Variants in UBL3 observed in about 807,000 individuals in gnomAD.
The protein encoded by UBL3 is ubiquitin-like protein 3.
In UBL3, 6 loss-of-function variants were observed where a neutral mutation model predicts 18.4. That is an observed-to-expected ratio of 0.33 (90% CI 0.18 to 0.64). The LOEUF is 0.64. UBL3 is among the 30% of genes least tolerant of loss of function. The pLI, the probability that UBL3 is intolerant of heterozygous loss-of-function variation, is 0.76. For synonymous variants in UBL3, 49 were observed against 46.6 expected (o/e 1.05, Z -0.21); for missense variants, 109 against 142.9 (o/e 0.76, Z 1.21).
At chr13:29,846,451 T>G (rs572057655) in intron 1 of UBL3, among the ~76,000 whole-genome samples, 2 of 152,192 alleles carry the variant, frequency 1.3e-5, no homozygotes, top group East Asian at 3.9e-4. Flanking sequence ...TCCAAAAAAT[T>G]GACATTTGGA....
chr13:29,826,275 C>T (rs1173839813), intron 1 of UBL3, among the ~76,000 whole-genome samples: 1 of 152,164 alleles, frequency 6.6e-6, no homozygotes, highest in African/African-American at 2.4e-5. Flanking sequence ...AGGAATGGTA[C>T]CAGCTCCTCC....
At chr13:29,823,773 A>G (rs1405798561) in intron 1 of UBL3, among the ~76,000 whole-genome samples, 2 of 152,090 alleles carry the variant, frequency 1.3e-5, no homozygotes, top group African/African-American at 4.8e-5. Context: ...CAGGTTACAC[A>G]TGTATACATG....
At chr13:29,819,772 G>C (rs1393305107) in intron 1 of UBL3, among the ~76,000 whole-genome samples, 1 of 151,638 alleles carries the variant, frequency 6.6e-6, no homozygotes, top group African/African-American at 2.4e-5. Flanking sequence ...AGAATCCAAG[G>C]ACCACACCAC....
At chr13:29,784,966 CG>C (rs1015521855) in intron 1 of UBL3, among the ~76,000 whole-genome samples, 3 of 152,286 alleles carry the variant, frequency 2.0e-5, no homozygotes, top group African/African-American at 7.2e-5. Context: ...AGTGCAGTGG[CG>C]GGATCTCGGC....
intron 1 of UBL3, among the ~76,000 whole-genome samples, chr13:29,833,997 C>T (rs754955149): frequency 1.3e-5 from 2 of 152,018 alleles, no homozygotes; most frequent in Non-Finnish European, 2.9e-5. Context: ...ACCAGCCTGG[C>T]CAACATGGTG....
intron 1 of UBL3, among the ~76,000 whole-genome samples, chr13:29,829,118 G>A (rs1878702545): frequency 6.6e-6 from 1 of 152,116 alleles, no homozygotes; most frequent in Non-Finnish European, 1.5e-5. Context: ...GTGCCTCCCA[G>A]TAGGCTACTA....
chr13:29,798,638 G>A (rs1046590037), intron 1 of UBL3, among the ~76,000 whole-genome samples: 2 of 152,136 alleles, frequency 1.3e-5, no homozygotes, highest in Admixed American at 1.3e-4. Context: ...AGTATGAATA[G>A]AGTAGTCTGA....
chr13:29,831,344 C>CTT, intron 1 of UBL3, among the ~76,000 whole-genome samples: 1 of 152,200 alleles, frequency 6.6e-6, no homozygotes, highest in East Asian at 1.9e-4. Flanking sequence ...AATCCCAGCA[C>CTT]TTTGGGAGGC....
At chr13:29,817,515 G>A (rs979932099) in intron 1 of UBL3, among the ~76,000 whole-genome samples, 5 of 152,160 alleles carry the variant, frequency 3.3e-5, no homozygotes, top group African/African-American at 1.2e-4. Context: ...TGGGTCAGGG[G>A]AGGAACAGGA....
chr13:29,791,420 AGATG>A (rs1877475416), intron 1 of UBL3, among the ~76,000 whole-genome samples: 1 of 152,224 alleles, frequency 6.6e-6, no homozygotes, highest in Admixed American at 6.5e-5. Context: ...TCCGTTTTAT[AGATG>A]GTAAACTGGG....
intron 1 of UBL3, among the ~76,000 whole-genome samples, chr13:29,836,978 G>A (rs1203944866): frequency 6.6e-6 from 1 of 152,198 alleles, no homozygotes; most frequent in African/African-American, 2.4e-5. Flanking sequence ...TGAGACCTTA[G>A]CTAAGGGCTA....
At chr13:29,849,462 A>C (rs1004790063) in intron 1 of UBL3, 50 bp downstream of exon 1, 2 of 1,613,372 alleles carry the variant, frequency 1.2e-6, no homozygotes, top group Non-Finnish European at 1.7e-6. Flanking sequence ...CCGATTAAAT[A>C]AGATTGGAAA....
At position 29,849,510 on chromosome 13, in the gene UBL3, AC is replaced by A. The variant is rs1176299044; in HGVS notation, c.27+1del. 6.2e-7 allele frequency: 1 copy of A among 1,614,160 alleles called. No homozygotes were observed. The highest frequency in any genetic ancestry group is 8.5e-7 in the Non-Finnish European group (1 of 1,180,052). ...CAGTGTCATAACTTATCCGTCACTT[AC>A]CATATCCGCCGGGACATTACTGGAC... On this transcript the variant is annotated splice_donor_variant, in intron 1 of 4. Coordinates refer to ENST00000380680, the MANE Select transcript of UBL3 (RefSeq NM_007106.4). LOFTEE classifies it high-confidence loss of function.
In UBL3 at chr13:29,819,870, T is replaced by C. The variant is rs117568447; in HGVS notation, c.27+29642A>G. Among the ~76,000 whole-genome samples the C allele has an allele frequency of 7.9e-4, 120 of 151,928 alleles. No individual in the cohort carries two copies. The East Asian group carries it at 0.022, about 28-fold the overall frequency. On this transcript the variant is annotated intron_variant, in intron 1 of 4. Transcript: ENST00000380680. Reference sequence around the variant, plus strand: ...CTGAGACCTCTATCACAGGAGATAATTCAAGGACAATAATCCTTTTTCCCC... The same window carrying C: ...CTGAGACCTCTATCACAGGAGATAACTCAAGGACAATAATCCTTTTTCCCC...
At chr13:29,795,643 G>A (rs1273502593) in intron 1 of UBL3, among the ~76,000 whole-genome samples, 1 of 151,486 alleles carries the variant, frequency 6.6e-6, no homozygotes, top group Non-Finnish European at 1.5e-5. Context: ...ACCCTAAGGA[G>A]AGGTGGCAGC....
intron 1 of UBL3, among the ~76,000 whole-genome samples, chr13:29,793,458 T>G (rs139591536): frequency 0.01 from 1,561 of 152,304 alleles, 28 homozygotes; most frequent in African/African-American, 0.036. Flanking sequence ...AAAGACAAGA[T>G]AGAATTCCAA....
chr13:29,807,966 T>C (rs1254948231), intron 1 of UBL3, among the ~76,000 whole-genome samples: 1 of 152,188 alleles, frequency 6.6e-6, no homozygotes, highest in Non-Finnish European at 1.5e-5. Context: ...GTCTATTTTA[T>C]AAATTCTTTG....
At chr13:29,781,604 G>T (rs1877175903) in intron 1 of UBL3, among the ~76,000 whole-genome samples, 1 of 151,928 alleles carries the variant, frequency 6.6e-6, no homozygotes, top group Admixed American at 6.6e-5. Context: ...CTGATAATAG[G>T]GGAGGCCGTG....
intron 2 of UBL3, among the ~76,000 whole-genome samples, chr13:29,774,599 T>C (rs1876932090): frequency 6.6e-6 from 1 of 152,184 alleles, no homozygotes; most frequent in Non-Finnish European, 1.5e-5. Context: ...ATAGCTTCAG[T>C]ATCTCCCTGA....
Sources: gnomAD v4.1 joint callset for allele counts (sites outside exome capture counted in the v4.1 genomes callset) on GRCh38, gnomAD v4.1.1 for gene constraint, MANE v1.5 for transcripts, NCBI Gene and HGNC (gene_info 2026-07-23, HGNC 2026-07-21) for gene names.